Variants in CHM observed in about 807,000 individuals in gnomAD.
CHM encodes CHM Rab escort protein, also known as rab proteins geranylgeranyltransferase component A 1.
Under a neutral mutation model 49.0 loss-of-function variants are expected in CHM, and 10 were observed. The ratio of observed to expected loss-of-function variants is 0.20; its 90% CI spans 0.13 to 0.35. The LOEUF is 0.35. Among genes scored for constraint, CHM ranks in the 10% least tolerant of loss-of-function variants. The pLI, the probability that CHM is intolerant of heterozygous loss-of-function variation, is 1.00. For synonymous variants in CHM, 184 were observed against 167.5 expected (o/e 1.10, Z -0.76); for missense variants, 455 against 478.4 (o/e 0.95, Z 0.46).
chrX:85,882,429 T>C (rs1924818810), intron 12 of CHM, among the ~76,000 whole-genome samples: 1 of 110,745 alleles, frequency 9.0e-6, no homozygotes, highest in Non-Finnish European at 1.9e-5. Context: ...GAAGATGCAA[T>C]ACAAGTGGAA....
intron 11 of CHM, among the ~76,000 whole-genome samples, chrX:85,899,656 C>T (rs1205397898): frequency 9.4e-6 from 1 of 106,269 alleles, no homozygotes; most frequent in South Asian, 4.5e-4. Flanking sequence ...TCCAAAAATC[C>T]GAAATCCAAA....
intron 2 of CHM, chrX:86,019,585 T>C (rs1401354281): frequency 8.9e-6 from 1 of 111,848 alleles, no homozygotes; most frequent in African/African-American, 3.2e-5. Context: ...ATAAATAATA[T>C]TAACAATGAA....
intron 2 of CHM, among the ~76,000 whole-genome samples, chrX:85,985,155 G>C (rs1476331432): frequency 8.9e-6 from 1 of 112,536 alleles, no homozygotes; most frequent in African/African-American, 3.2e-5. Flanking sequence ...CTCTGAGACA[G>C]AGCTCCCAGC....
Position 85,862,095 on chromosome X carries a change from T to G in CHM, c.*2535A>C. The G allele has an allele frequency of 8.9e-6, 1 of 112,253 alleles. No individual in the cohort carries two copies. Among genetic ancestry groups the G allele is most frequent in the East Asian group, 2.8e-4 (1 of 3,592 alleles). 9.3% of individuals were successfully genotyped at this position (112,253 alleles called of 1,213,427 possible). A position where few individuals can be genotyped will look rare whatever the true frequency, so the allele number is the denominator to read the frequency against. On this transcript the variant is annotated 3_prime_UTR_variant, in exon 15 of 15. Coordinates refer to ENST00000357749, the MANE Select transcript of CHM (RefSeq NM_000390.4). Reference sequence around the variant, plus strand: ...CAGTTGTATGATATTTTAATCATCATGAATCATGTTCAGGAACTTTTAAAC... The same window carrying G: ...CAGTTGTATGATATTTTAATCATCAGGAATCATGTTCAGGAACTTTTAAAC...
At position 85,872,901 on chromosome X, in the gene CHM, T is replaced by A. The variant is rs914593664; in HGVS notation, c.1770+151A>T. The A allele has an allele frequency of 1.1e-5, 5 of 451,159 alleles. No homozygotes were observed. The Admixed American group carries it at 1.8e-4, about 16-fold the overall frequency. The allele number at this position is 451,159 out of a possible 1,213,427, so 37.2% of individuals were successfully genotyped here. On this transcript the variant is annotated intron_variant, in intron 14 of 14. Coordinates refer to ENST00000357749, the MANE Select transcript of CHM (RefSeq NM_000390.4). Reference sequence around the variant, plus strand: ...GTATTTAAAGTATATTTAAAGTAGCTTTGTAGGTCATAGAAAAAACTTTTA... The same window carrying A: ...GTATTTAAAGTATATTTAAAGTAGCATTGTAGGTCATAGAAAAAACTTTTA...
At chrX:85,921,410 C>T (rs935084292) in intron 8 of CHM, among the ~76,000 whole-genome samples, 2 of 111,732 alleles carry the variant, frequency 1.8e-5, no homozygotes, top group African/African-American at 6.5e-5. Context: ...CTGTACACCT[C>T]CCTTCCAAAG....
At chrX:85,892,679 A>C (rs996049386) in intron 12 of CHM, among the ~76,000 whole-genome samples, 24 of 111,197 alleles carry the variant, frequency 2.2e-4, no homozygotes, top group African/African-American at 7.5e-4. Context: ...TGGTCCTCTG[A>C]GCTACTTTTC....
rs766721079 is a variant in CHM at position 86,003,955 on chromosome X, A to G, written c.117-22146T>C. Among the ~76,000 whole-genome samples, 53 of 111,760 alleles carry G rather than the reference A, an allele frequency of 4.7e-4. 1 individual carries two copies. The South Asian group carries it at 0.02, about 42-fold the overall frequency. The stretch of plus-strand genomic sequence containing the variant: ...CAAGAAGAAAAACCCCAAGACATAC[A>G]ATTGTCAGATTCACCAAGGTTGAAA... On this transcript the variant is annotated intron_variant, in intron 2 of 14. Coordinates refer to ENST00000357749, the MANE Select transcript of CHM (RefSeq NM_000390.4).
At position 85,864,520 on chromosome X, in the gene CHM, C is replaced by A; in HGVS notation, c.*110G>T. 1 of 670,145 alleles carries A rather than the reference C, an allele frequency of 1.5e-6. No homozygotes were observed. Among genetic ancestry groups the A allele is most frequent in the Non-Finnish European group, 2.4e-6 (1 of 422,384 alleles). The allele number at this position is 670,145 out of a possible 1,213,427, so 55.2% of individuals were successfully genotyped here. A position where few individuals can be genotyped will look rare whatever the true frequency, so the allele number is the denominator to read the frequency against. On this transcript the variant is annotated 3_prime_UTR_variant, in exon 15 of 15. Transcript: ENST00000357749. ...TTTTGGATTTCTATTACCTATTTTG[C>A]CTTATAATTGCTGCTGCTTTCTAAC...
chrX:85,874,934 G>A (rs73224586), intron 13 of CHM, among the ~76,000 whole-genome samples: 2,503 of 111,630 alleles, frequency 0.022, 36 homozygotes, highest in Admixed American at 0.056. Context: ...TAACAAGTGG[G>A]CTAAGGTCTG....
chrX:85,885,493 AATAAT>A (rs1925030602), intron 12 of CHM, among the ~76,000 whole-genome samples: 1 of 110,882 alleles, frequency 9.0e-6, no homozygotes, highest in African/African-American at 3.3e-5. Flanking sequence ...TTTGCTCATG[AATAAT>A]ATATCTTTAA....
chrX:85,994,132 C>T (rs1443163959), intron 2 of CHM, among the ~76,000 whole-genome samples: 4 of 112,168 alleles, frequency 3.6e-5, no homozygotes, highest in Non-Finnish European at 7.5e-5. Context: ...TGGCACCAGA[C>T]AAATCTGGAT....
chrX:85,906,546 A>C (rs1926598999), intron 9 of CHM, among the ~76,000 whole-genome samples: 1 of 111,941 alleles, frequency 8.9e-6, no homozygotes, highest in Non-Finnish European at 1.9e-5. Flanking sequence ...GCTCAAGTAC[A>C]CACAGCTAGT....
intron 8 of CHM, among the ~76,000 whole-genome samples, chrX:85,941,544 C>A (rs1929109998): frequency 9.0e-6 from 1 of 111,650 alleles, no homozygotes; most frequent in Non-Finnish European, 1.9e-5. Flanking sequence ...CCTGTATAAT[C>A]TCTTAATACT....
At chrX:85,945,154 G>A (rs1308408401) in intron 8 of CHM, among the ~76,000 whole-genome samples, 1 of 111,052 alleles carries the variant, frequency 9.0e-6, no homozygotes, top group Non-Finnish European at 1.9e-5. Context: ...GGAGAAGGGT[G>A]AGGACTGAGA....
At chrX:85,904,981 C>T (rs972964409) in intron 9 of CHM, among the ~76,000 whole-genome samples, 1 of 111,944 alleles carries the variant, frequency 8.9e-6, no homozygotes, top group Non-Finnish European at 1.9e-5. Flanking sequence ...ATGATTACCA[C>T]AAATGAATTA....
chrX:85,958,742 C>A, intron 6 of CHM, 119 bp downstream of exon 6: 1 of 1,087,048 alleles, frequency 9.2e-7, no homozygotes. Context: ...TAAATCACCA[C>A]GGAGGACTGG....
intron 11 of CHM, among the ~76,000 whole-genome samples, chrX:85,898,036 G>T (rs1926017267): frequency 9.0e-6 from 1 of 111,141 alleles, no homozygotes; most frequent in Admixed American, 9.6e-5. Flanking sequence ...AACAGACTGG[G>T]TGGGGGTAAG....
At chrX:86,042,741 T>C (rs889205714) in intron 1 of CHM, among the ~76,000 whole-genome samples, 4 of 109,982 alleles carry the variant, frequency 3.6e-5, no homozygotes, top group Non-Finnish European at 7.6e-5. Flanking sequence ...GAGGATTGCT[T>C]GGGCCCAGGA....
Sources: allele counts gnomAD v4.1 joint callset (sites outside exome capture counted in the v4.1 genomes callset), GRCh38; gene constraint gnomAD v4.1.1; transcripts MANE v1.5; gene names NCBI Gene and HGNC (gene_info 2026-07-23, HGNC 2026-07-21).